Variants in TMEM87A observed in about 807,000 individuals in gnomAD.
TMEM87A encodes the protein Golgi-pH regulating cation channel.
In TMEM87A, 50 loss-of-function variants were observed where a neutral mutation model predicts 90.0. The observed-to-expected ratio is 0.56, with a 90% CI of 0.44 to 0.70. The LOEUF is 0.70. Ranked by LOEUF, TMEM87A falls within the 30% of genes least tolerant of loss-of-function variation. The pLI, the probability that TMEM87A is intolerant of heterozygous loss-of-function variation, is 0.00. For missense variants in TMEM87A, 577 were observed against 660.5 expected, an observed-to-expected ratio of 0.87 and a Z score of 1.39; for synonymous variants, 226 against 226.7, an observed-to-expected ratio of 1.00 and a Z score of 0.03.
In TMEM87A at chr15:42,218,201, T is replaced by C. The variant is rs1176572467; in HGVS notation, c.1595+122A>G. 3.2e-5 allele frequency: 32 copies of C among 990,852 alleles called. No individual in the cohort carries two copies. In the South Asian group the frequency reaches 5.3e-4, roughly 16 times the overall value. The allele number at this position is 990,852 out of a possible 1,614,324, so 61.4% of individuals were successfully genotyped here. A position where few individuals can be genotyped will look rare whatever the true frequency, so the allele number is the denominator to read the frequency against. The stretch of plus-strand genomic sequence containing the variant: ...ATTAATTTTGTTTGCGGATTATTCC[T>C]ATTCTTTTAATTATTTTTCAGTATC... On this transcript the variant is annotated intron_variant, in intron 18 of 19. Transcript: ENST00000389834.
chr15:42,254,848 T>C (rs1040749389), intron 6 of TMEM87A, among the ~76,000 whole-genome samples: 1 of 152,152 alleles, frequency 6.6e-6, no homozygotes, highest in Non-Finnish European at 1.5e-5. Flanking sequence ...CTATAGACTT[T>C]GATAATAACA....
intron 19 of TMEM87A, among the ~76,000 whole-genome samples, chr15:42,217,449 T>C (rs1216183532): frequency 2.6e-5 from 4 of 152,244 alleles, no homozygotes; most frequent in African/African-American, 9.6e-5. Flanking sequence ...TTTCTCAATA[T>C]TTTTCCTTAT....
At chr15:42,240,869 A>T (rs1369135335) in intron 7 of TMEM87A, among the ~76,000 whole-genome samples, 1 of 152,252 alleles carries the variant, frequency 6.6e-6, no homozygotes, top group African/African-American at 2.4e-5. Context: ...TATTAAATCT[A>T]TACCTTCCTA....
At chr15:42,214,412 G>A (rs1168866162) in intron 19 of TMEM87A, among the ~76,000 whole-genome samples, 4 of 152,176 alleles carry the variant, frequency 2.6e-5, no homozygotes, top group Admixed American at 1.3e-4. Flanking sequence ...TCCCTGATGA[G>A]CAGACGCAAA....
intron 6 of TMEM87A, among the ~76,000 whole-genome samples, chr15:42,248,583 G>A (rs973950245): frequency 2.6e-4 from 40 of 152,142 alleles, no homozygotes; most frequent in Middle Eastern, 6.8e-3. Context: ...GATGGATTAC[G>A]TTTATTGATT....
At position 42,237,621 on chromosome 15, in the gene TMEM87A, A is replaced by G; in HGVS notation, c.685-6T>C. 6.4e-7 allele frequency: 1 copy of G among 1,569,634 alleles called. No homozygotes were observed. Among genetic ancestry groups the G allele is most frequent in the Non-Finnish European group, 8.7e-7 (1 of 1,154,950 alleles). ...ATACACATCACCATGAAAAACTGTT[A>G]TCAAATTGGGTAAAAGATAAAAAGG... On this transcript the variant is annotated splice_region_variant and splice_polypyrimidine_tract_variant and intron_variant, in intron 8 of 19. Coordinates refer to ENST00000389834, the MANE Select transcript of TMEM87A (RefSeq NM_015497.5).
At chr15:42,259,021 G>C (rs902565417) in intron 6 of TMEM87A, 4 of 747,518 alleles carry the variant, frequency 5.4e-6, no homozygotes, top group Admixed American at 2.0e-5. Flanking sequence ...TGAGATGTCT[G>C]TGTTCACCCT....
At chr15:42,238,812 G>A (rs2050821456) in intron 8 of TMEM87A, among the ~76,000 whole-genome samples, 1 of 143,940 alleles carries the variant, frequency 6.9e-6, no homozygotes, top group Non-Finnish European at 1.5e-5. Context: ...TTATATAGAT[G>A]AAGACAACAC....
At chr15:42,248,016 G>T (rs1481667928) in intron 6 of TMEM87A, among the ~76,000 whole-genome samples, 1 of 152,084 alleles carries the variant, frequency 6.6e-6, no homozygotes, top group Non-Finnish European at 1.5e-5. Context: ...CTTTTAAATT[G>T]GATTCCTAGG....
At chr15:42,257,334 C>T (rs144898078) in intron 6 of TMEM87A, among the ~76,000 whole-genome samples, 1 of 152,088 alleles carries the variant, frequency 6.6e-6, no homozygotes, top group Non-Finnish European at 1.5e-5. Context: ...ACTACCTCCT[C>T]TCCTCCTCCT....
intron 14 of TMEM87A, 147 bp downstream of exon 14, chr15:42,227,564 G>A: frequency 1.6e-6 from 1 of 632,436 alleles, no homozygotes; most frequent in Non-Finnish European, 2.8e-6. Flanking sequence ...GAATACTTAG[G>A]AGGAGGGAAG....
At chr15:42,271,367 T>C (rs2051520156) in intron 2 of TMEM87A, among the ~76,000 whole-genome samples, 1 of 151,704 alleles carries the variant, frequency 6.6e-6, no homozygotes, top group African/African-American at 2.4e-5. Flanking sequence ...CACACAAGAG[T>C]AAAACCTCTT....
intron 8 of TMEM87A, among the ~76,000 whole-genome samples, chr15:42,238,440 C>A (rs552510945): frequency 6.6e-6 from 1 of 151,916 alleles, no homozygotes; most frequent in Non-Finnish European, 1.5e-5. Flanking sequence ...CATGGTGGTG[C>A]GCACCTGTAG....
At chr15:42,268,136 T>A (rs1010017495) in intron 2 of TMEM87A, 104 bp from the exon 3 acceptor site, 2 of 791,042 alleles carry the variant, frequency 2.5e-6, no homozygotes, top group African/African-American at 3.5e-5. Flanking sequence ...TAAACTGAGA[T>A]ACTCAAAGAC....
At chr15:42,234,393 T>A (rs558069120) in intron 10 of TMEM87A, among the ~76,000 whole-genome samples, 1 of 152,336 alleles carries the variant, frequency 6.6e-6, no homozygotes, top group East Asian at 1.9e-4. Context: ...CCAATATTTG[T>A]TCTTATATTT....
chr15:42,254,854 T>C (rs904231760), intron 6 of TMEM87A, among the ~76,000 whole-genome samples: 2 of 152,154 alleles, frequency 1.3e-5, no homozygotes, highest in African/African-American at 4.8e-5. Context: ...ACTTTGATAA[T>C]AACATGTCAA....
Position 42,269,883 on chromosome 15 carries a change from C to G in TMEM87A, c.206-1851G>C, listed in dbSNP as rs559396768. Among the ~76,000 whole-genome samples, 34 of 134,742 alleles carry G rather than the reference C, an allele frequency of 2.5e-4. 1 individual carries two copies. The South Asian group carries it at 6.1e-3, about 24-fold the overall frequency. 88.4% of individuals were successfully genotyped at this position (134,742 alleles called of 152,430 possible). A position where few individuals can be genotyped will look rare whatever the true frequency, so the allele number is the denominator to read the frequency against. On this transcript the variant is annotated intron_variant, in intron 2 of 19. Coordinates refer to ENST00000389834, the MANE Select transcript of TMEM87A (RefSeq NM_015497.5). Reference sequence around the variant, plus strand: ...CCTGGGAAGCGGAGCTTGCAGTGAGCCGAGATTGCGCCACTGCAATCCGCA... The same window carrying G: ...CCTGGGAAGCGGAGCTTGCAGTGAGGCGAGATTGCGCCACTGCAATCCGCA...
chr15:42,245,668 G>A (rs1447941070), intron 6 of TMEM87A, among the ~76,000 whole-genome samples: 6 of 151,726 alleles, frequency 4.0e-5, no homozygotes, highest in Admixed American at 3.3e-4. Context: ...GGGATAACAG[G>A]TGCATGACAC....
chr15:42,273,577 G>C, upstream of TMEM87A: 1 of 1,102,514 alleles, frequency 9.1e-7, no homozygotes. Context: ...TGAGACTTTG[G>C]ACCTACTGCG....
Sources: gnomAD v4.1 joint callset for allele counts (sites outside exome capture counted in the v4.1 genomes callset) on GRCh38, gnomAD v4.1.1 for gene constraint, MANE v1.5 for transcripts, NCBI Gene and HGNC (gene_info 2026-07-23, HGNC 2026-07-21) for gene names.